FARP2: variants seen among roughly 807,000 people sequenced by gnomAD.
FARP2 encodes FERM, ARH/RhoGEF and pleckstrin domain protein 2, also known as FERM, ARHGEF and pleckstrin domain-containing protein 2.
In FARP2, 111 loss-of-function variants were observed where a neutral mutation model predicts 130.5. The observed-to-expected ratio is 0.85, with a 90% CI of 0.73 to 1.00. FARP2 has a LOEUF of 1.00. Ranked by LOEUF, FARP2 falls within the 50% of genes least tolerant of loss-of-function variation. The pLI is 0.00. For synonymous variants in FARP2, 504 were observed against 516.9 expected (o/e 0.98, Z 0.34); for missense variants, 1,385 against 1,346.3 (o/e 1.03, Z -0.45).
chr2:241,466,427 C>T, intron 17 of FARP2: 4 of 985,434 alleles, frequency 4.1e-6, no homozygotes, highest in Non-Finnish European at 4.8e-6. Flanking sequence ...CACTGGTCCT[C>T]AGCACCACTC....
intron 2 of FARP2, among the ~76,000 whole-genome samples, chr2:241,378,414 C>CTCTTTTTTT (rs1249648296): frequency 3.1e-5 from 1 of 32,474 alleles, no homozygotes. Flanking sequence ...CATGCCTGGC[C>CTCTTTTTTT]TATTTTTTTT....
At chr2:241,369,839 C>T (rs1400810519) in intron 1 of FARP2, among the ~76,000 whole-genome samples, 1 of 152,176 alleles carries the variant, frequency 6.6e-6, no homozygotes, top group Non-Finnish European at 1.5e-5. Context: ...TGACCAAGAA[C>T]ATATAGATCA....
At chr2:241,411,614 A>G (rs750801931) in intron 6 of FARP2, among the ~76,000 whole-genome samples, 11 of 152,236 alleles carry the variant, frequency 7.2e-5, no homozygotes, top group Non-Finnish European at 1.6e-4. Context: ...AGTTACTTCA[A>G]AAATAAACCA....
chr2:241,373,957 CA>C (rs773616849), intron 2 of FARP2, among the ~76,000 whole-genome samples: 9 of 151,586 alleles, frequency 5.9e-5, no homozygotes, highest in East Asian at 1.9e-4. Flanking sequence ...TATTAGAAAA[CA>C]TTTTTTTGTT....
intron 22 of FARP2, 58 bp from the exon 23 acceptor site, chr2:241,491,003 G>A: frequency 7.3e-7 from 1 of 1,369,024 alleles, no homozygotes; most frequent in Non-Finnish European, 1.0e-6. Context: ...CTCCCTTGAG[G>A]GCTGGGGCCC....
At chr2:241,407,729 G>A (rs2150356571) in intron 5 of FARP2, 114 bp downstream of exon 5, 4 of 762,040 alleles carry the variant, frequency 5.2e-6, no homozygotes, top group South Asian at 5.0e-5. Context: ...ACACAGAAAA[G>A]TGACCATGAG....
At chr2:241,426,277 A>G (rs894061635) in intron 8 of FARP2, among the ~76,000 whole-genome samples, 11 of 152,226 alleles carry the variant, frequency 7.2e-5, no homozygotes, top group African/African-American at 2.4e-4. Flanking sequence ...GGATAGGTAC[A>G]TGCCGGTGAA....
chr2:241,398,572 C>CT (rs35797376), intron 2 of FARP2, among the ~76,000 whole-genome samples: 4,144 of 139,308 alleles, frequency 0.03, 375 homozygotes, highest in Admixed American at 0.18. Flanking sequence ...TGTGAACATT[C>CT]TTTTTTTTTT....
At chr2:241,424,208 G>A (rs920901593) in intron 8 of FARP2, among the ~76,000 whole-genome samples, 3 of 152,008 alleles carry the variant, frequency 2.0e-5, no homozygotes, top group South Asian at 2.1e-4. Flanking sequence ...TCACATAATC[G>A]GAAGCAAAAC....
At chr2:241,465,756 G>A (rs938558633) in intron 17 of FARP2, 7 of 1,550,498 alleles carry the variant, frequency 4.5e-6, no homozygotes, top group East Asian at 2.4e-5. Flanking sequence ...TGACGACGAC[G>A]ACTCAAGCTC....
chr2:241,439,554 C>T (rs1197174157), intron 12 of FARP2, among the ~76,000 whole-genome samples: 1 of 152,136 alleles, frequency 6.6e-6, no homozygotes, highest in Non-Finnish European at 1.5e-5. Context: ...TGGTCTTGAT[C>T]TCCTGAACTC....
Position 241,482,018 on chromosome 2 carries a change from T to C in FARP2, c.2263-1447T>C, listed in dbSNP as rs2064628195. 6.6e-6 allele frequency among the ~76,000 whole-genome samples: 1 copy of C among 152,256 alleles called. No individual in the cohort carries two copies. The highest frequency in any genetic ancestry group is 2.1e-4 in the South Asian group (1 of 4,830). The stretch of plus-strand genomic sequence containing the variant: ...AAAGTCATGTCTGGATAGCCCAGAA[T>C]TTCTTGTCTTCCTGAGTTAAATATG... On this transcript the variant is annotated intron_variant, in intron 19 of 26. Transcript: ENST00000264042. This position sits in a 1 kb window ranked among gnomAD's most constrained non-coding sequence, Gnocchi z 4.6.
intron 10 of FARP2, 55 bp from the exon 11 acceptor site, chr2:241,434,907 A>T: frequency 9.4e-7 from 1 of 1,067,122 alleles, no homozygotes. Flanking sequence ...TTTTACTCTG[A>T]AAAATTAATG....
chr2:241,478,576 C>A, intron 19 of FARP2: 1 of 491,820 alleles, frequency 2.0e-6, no homozygotes, highest in African/African-American at 2.0e-5. Context: ...ACAGAGACCC[C>A]ACCTATTTTG....
At chr2:241,371,113 T>G (rs1021662830) in intron 1 of FARP2, among the ~76,000 whole-genome samples, 2 of 152,220 alleles carry the variant, frequency 1.3e-5, no homozygotes, top group African/African-American at 4.8e-5. Context: ...AAAGGTTGTC[T>G]TTGTGGGTAA....
At chr2:241,455,735 CTTTTT>C (rs1180839402) in intron 13 of FARP2, among the ~76,000 whole-genome samples, 21 of 94,802 alleles carry the variant, frequency 2.2e-4, no homozygotes, top group Non-Finnish European at 3.9e-4. Context: ...CTAAAGTTTT[CTTTTT>C]TTTTTTTTTT....
chr2:241,449,042 G>T (rs571007782), intron 13 of FARP2, among the ~76,000 whole-genome samples: 49 of 152,334 alleles, frequency 3.2e-4, no homozygotes, highest in African/African-American at 1.2e-3. Context: ...CAGATTTTGT[G>T]TAAGATCCAC....
intron 17 of FARP2, among the ~76,000 whole-genome samples, chr2:241,467,516 G>A (rs908200264): frequency 6.6e-6 from 1 of 152,010 alleles, no homozygotes; most frequent in African/African-American, 2.4e-5. Flanking sequence ...CGGGCGTGGT[G>A]GCACATGCCT....
intron 2 of FARP2, among the ~76,000 whole-genome samples, chr2:241,401,016 A>G (rs1451132714): frequency 1.3e-5 from 2 of 152,202 alleles, no homozygotes; most frequent in Non-Finnish European, 2.9e-5. Context: ...AGAAGGCCCT[A>G]AGAGATTATG....
Sources: allele counts gnomAD v4.1 joint callset (sites outside exome capture counted in the v4.1 genomes callset), GRCh38; gene constraint gnomAD v4.1.1; non-coding constraint Gnocchi (gnomAD v3.1); transcripts MANE v1.5; gene names NCBI Gene and HGNC (gene_info 2026-07-23, HGNC 2026-07-21).